Variants in GOT2 observed in about 807,000 individuals in gnomAD.
GOT2 encodes aspartate aminotransferase, mitochondrial.
In GOT2, 17 loss-of-function variants were observed where a neutral mutation model predicts 50.0. That is an observed-to-expected ratio of 0.34 (90% CI 0.23 to 0.51). GOT2 has a LOEUF of 0.51. Ranked by LOEUF, GOT2 falls within the 20% of genes least tolerant of loss-of-function variation. The pLI is 0.97. For missense variants in GOT2, 430 were observed against 559.6 expected, an observed-to-expected ratio of 0.77 and a Z score of 2.34; for synonymous variants, 172 against 204.9, an observed-to-expected ratio of 0.84 and a Z score of 1.37.
In GOT2 at chr16:58,718,319, A is replaced by T; in HGVS notation, c.598-19T>A. On this transcript the variant is annotated intron_variant, in intron 5 of 9. Transcript: ENST00000245206. ...GTATTTTCTAAAGAGAAAAACAGCC[A>T]AGAGACGACTTTGCAGCTTTAAAGG... 1 of 1,582,746 alleles carries T rather than the reference A, an allele frequency of 6.3e-7. No individual in the cohort carries two copies. The highest frequency in any genetic ancestry group is 8.7e-7 in the Non-Finnish European group (1 of 1,151,590).
At chr16:58,716,576 A>G in intron 7 of GOT2, 87 bp downstream of exon 7, 1 of 1,113,178 alleles carries the variant, frequency 9.0e-7, no homozygotes, top group Non-Finnish European at 1.3e-6. Flanking sequence ...ACACACACAC[A>G]CACACACACA....
intron 1 of GOT2, among the ~76,000 whole-genome samples, chr16:58,729,885 A>C (rs2044819209): frequency 6.6e-6 from 1 of 152,202 alleles, no homozygotes; most frequent in African/African-American, 2.4e-5. Context: ...CTGAATTTTT[A>C]AACAATCTAA....
chr16:58,708,314 G>C (rs1297983476), intron 9 of GOT2, 21 bp from the exon 10 acceptor site: 1 of 1,611,896 alleles, frequency 6.2e-7, no homozygotes. Flanking sequence ...GAAAGAACTT[G>C]GGTACCTCTT....
At chr16:58,717,165 G>A (rs955626103) in intron 6 of GOT2, among the ~76,000 whole-genome samples, 1 of 152,170 alleles carries the variant, frequency 6.6e-6, no homozygotes, top group African/African-American at 2.4e-5. Context: ...CTTGAGCCCA[G>A]GAGTTTGAGA....
chr16:58,713,994 C>A (rs1345965158), intron 8 of GOT2, among the ~76,000 whole-genome samples: 1 of 152,092 alleles, frequency 6.6e-6, no homozygotes, highest in African/African-American at 2.4e-5. Flanking sequence ...GTTTGCCAAC[C>A]CCTTTCTACA....
chr16:58,733,964 G>C, intron 1 of GOT2, 176 bp downstream of exon 1: 1 of 401,202 alleles, frequency 2.5e-6, no homozygotes, highest in Middle Eastern at 3.6e-4. Flanking sequence ...GGGCACGGAC[G>C]CTCAATCCTC....
At chr16:58,732,933 G>A (rs754663734) in intron 1 of GOT2, among the ~76,000 whole-genome samples, 3 of 152,200 alleles carry the variant, frequency 2.0e-5, no homozygotes, top group Non-Finnish European at 4.4e-5. Context: ...GGGCCAGGAA[G>A]GAGCCAAGTC....
intron 8 of GOT2, among the ~76,000 whole-genome samples, chr16:58,709,984 T>C (rs1355022969): frequency 6.6e-6 from 1 of 152,236 alleles, no homozygotes; most frequent in African/African-American, 2.4e-5. Flanking sequence ...TTTGCTTAAC[T>C]GTAGTTTAAT....
In GOT2 at chr16:58,723,853, C is replaced by T; in HGVS notation, c.139G>A (p.Val47Ile). ...EMGPPDPILG[V>I]TEAFKRDTNS... ...GTGTCCCTCTTAAAGGCTTCAGTGA[C>T]TCCCAGAATGGGATCTGGAGGTCCC... Residue 47 changes from valine (V) to isoleucine (I), a missense_variant, in exon 2 of 10, where the codon GTC (valine) becomes ATC (isoleucine). By Grantham distance (29) the Val-to-Ile change is conservative. Transcript: ENST00000245206. 1 of 1,613,654 alleles carries T rather than the reference C, an allele frequency of 6.2e-7. No homozygotes were observed. The highest frequency in any genetic ancestry group is 8.5e-7 in the Non-Finnish European group (1 of 1,179,590).
intron 8 of GOT2, among the ~76,000 whole-genome samples, chr16:58,710,544 T>A (rs2044638426): frequency 6.6e-6 from 1 of 152,094 alleles, no homozygotes; most frequent in African/African-American, 2.4e-5. Context: ...TTCTGACTTA[T>A]GACAGGCTTA....
intron 6 of GOT2, 112 bp downstream of exon 6, chr16:58,718,084 G>T (rs1567487502): frequency 3.8e-6 from 3 of 795,050 alleles, no homozygotes; most frequent in Non-Finnish European, 6.7e-6. Context: ...CACCTGTGTG[G>T]ACATTTCACG....
chr16:58,732,083 C>T (rs1158018831), intron 1 of GOT2, among the ~76,000 whole-genome samples: 2 of 152,148 alleles, frequency 1.3e-5, no homozygotes, highest in African/African-American at 2.4e-5. Flanking sequence ...ATAATCCCAG[C>T]GCTTTGCGGG....
chr16:58,732,093 G>T (rs2044838907), intron 1 of GOT2, among the ~76,000 whole-genome samples: 1 of 152,164 alleles, frequency 6.6e-6, no homozygotes, highest in Non-Finnish European at 1.5e-5. Flanking sequence ...CGCTTTGCGG[G>T]GCTGATGTGG....
At chr16:58,729,270 C>T (rs943165183) in intron 1 of GOT2, among the ~76,000 whole-genome samples, 1 of 148,746 alleles carries the variant, frequency 6.7e-6, no homozygotes, top group African/African-American at 2.5e-5. Flanking sequence ...TGTCTATCTA[C>T]ATCACTGTCA....
chr16:58,731,195 G>A (rs1263066555), intron 1 of GOT2, among the ~76,000 whole-genome samples: 3 of 152,028 alleles, frequency 2.0e-5, no homozygotes, highest in African/African-American at 4.8e-5. Flanking sequence ...GTGCAGCGGC[G>A]TGATCAGCGG....
intron 8 of GOT2, among the ~76,000 whole-genome samples, chr16:58,713,732 A>G (rs1386026919): frequency 6.6e-6 from 1 of 152,222 alleles, no homozygotes; most frequent in Non-Finnish European, 1.5e-5. Context: ...CTCATATAAC[A>G]AATCACACCT....
intron 4 of GOT2, 23 bp downstream of exon 4, chr16:58,719,173 C>T (rs111778963): frequency 1.5e-5 from 24 of 1,568,620 alleles, no homozygotes; most frequent in African/African-American, 1.2e-4. Context: ...ATAATTCTTT[C>T]CTGAAGAAGC....
At chr16:58,719,762 AT>A (rs1409759055) in intron 3 of GOT2, among the ~76,000 whole-genome samples, 18 of 152,330 alleles carry the variant, frequency 1.2e-4, no homozygotes, top group Non-Finnish European at 2.2e-4. Context: ...CTCAAAAAAA[AT>A]AAATAAATAA....
chr16:58,717,304 G>A (rs2044702072), intron 6 of GOT2, among the ~76,000 whole-genome samples: 1 of 152,130 alleles, frequency 6.6e-6, no homozygotes. Flanking sequence ...TTGAGCCCTG[G>A]AGGTAGAGGC....
Sources: allele counts gnomAD v4.1 joint callset (sites outside exome capture counted in the v4.1 genomes callset), GRCh38; gene constraint gnomAD v4.1.1; transcripts MANE v1.5; gene names NCBI Gene and HGNC (gene_info 2026-07-23, HGNC 2026-07-21).